NT5DC1: variants seen among roughly 807,000 people sequenced by gnomAD.
The protein encoded by NT5DC1 is 5'-nucleotidase domain containing 1.
In NT5DC1, 42 loss-of-function variants were observed where a neutral mutation model predicts 59.4. That is an observed-to-expected ratio of 0.71 (90% CI 0.55 to 0.92). The LOEUF (loss-of-function observed/expected upper bound fraction) is 0.92. Among genes scored for constraint, NT5DC1 ranks in the 40% least tolerant of loss-of-function variants. NT5DC1 has a pLI of 0.00. For synonymous variants in NT5DC1, 172 were observed against 188.1 expected, an observed-to-expected ratio of 0.91 and a Z score of 0.70; for missense variants, 501 against 537.1, an observed-to-expected ratio of 0.93 and a Z score of 0.66.
chr6:116,182,189 T>C (rs1001256298), intron 6 of NT5DC1, among the ~76,000 whole-genome samples: 1 of 151,492 alleles, frequency 6.6e-6, no homozygotes. Flanking sequence ...CATTATTTCA[T>C]TTCTTTTTAT....
rs187443663 is a variant in NT5DC1, at chr6:116,246,011, A to C, written c.*1987A>C. On this transcript the variant is annotated 3_prime_UTR_variant, in exon 12 of 12. Transcript: ENST00000319550. Reference sequence around the variant, plus strand: ...CTTCTAATGAATGTTTTTTTTCTGTAATTAGAAAGACTATAATTAGGCTTT... The same window carrying C: ...CTTCTAATGAATGTTTTTTTTCTGTCATTAGAAAGACTATAATTAGGCTTT... The C allele has an allele frequency of 2.0e-5, 3 of 152,190 alleles. No individual in the cohort carries two copies. Among genetic ancestry groups the C allele is most frequent in the African/African-American group, 7.2e-5 (3 of 41,542 alleles). The allele number at this position is 152,190 out of a possible 1,614,324, so 9.4% of individuals were successfully genotyped here.
In NT5DC1 at chr6:116,107,007, A is replaced by G. The variant is rs182003600; in HGVS notation, c.185+672A>G. ...GGAGTTGGAGACCAGCCTGGGCAAC[A>G]TGACGAAACCCCAACTCTGCAAAAA... On this transcript the variant is annotated intron_variant, in intron 2 of 11. Transcript: ENST00000319550. Among the ~76,000 whole-genome samples, 19 of 152,114 alleles carry G rather than the reference A, an allele frequency of 1.2e-4. No individual in the cohort carries two copies. The East Asian group carries it at 3.7e-3, about 29-fold the overall frequency.
intron 6 of NT5DC1, among the ~76,000 whole-genome samples, chr6:116,122,198 T>C (rs1779152383): frequency 6.6e-6 from 1 of 152,190 alleles, no homozygotes; most frequent in East Asian, 1.9e-4. Context: ...CCCATGACAG[T>C]GATTCATGAA....
intron 6 of NT5DC1, among the ~76,000 whole-genome samples, chr6:116,192,893 TCAG>T (rs1490557565): frequency 6.6e-6 from 1 of 152,086 alleles, no homozygotes; most frequent in African/African-American, 2.4e-5. Flanking sequence ...CGTTGCATCT[TCAG>T]CAGACCCCAG....
rs138697062 is a variant in NT5DC1, at chr6:116,237,766, A to G, written c.922-421A>G. On this transcript the variant is annotated intron_variant, in intron 9 of 11. Transcript: ENST00000319550. ...TCAACCAGTCTGGGGTTGGGCCCAG[A>G]AACTTGAAAAGTGGTTGTGATTTGC... 3.1e-3 allele frequency: 824 copies of G among 263,824 alleles called. 4 individuals are homozygous for G. Among genetic ancestry groups the G allele is most frequent in the Middle Eastern group, 0.011 (8 of 712 alleles). 16.3% of individuals were successfully genotyped at this position (263,824 alleles called of 1,614,324 possible). A position where few individuals can be genotyped will look rare whatever the true frequency, so the allele number is the denominator to read the frequency against.
chr6:116,120,081 G>A, intron 6 of NT5DC1: 1 of 1,613,554 alleles, frequency 6.2e-7, no homozygotes, highest in Non-Finnish European at 8.5e-7. Flanking sequence ...ACTCACATTG[G>A]AGCCACTAGG....
At chr6:116,189,810 G>A (rs1251930857) in intron 6 of NT5DC1, among the ~76,000 whole-genome samples, 1 of 151,988 alleles carries the variant, frequency 6.6e-6, no homozygotes, top group Non-Finnish European at 1.5e-5. Context: ...AAAGAATGAA[G>A]TAATGGTAGA....
chr6:116,150,850 T>A (rs932035189), intron 6 of NT5DC1, among the ~76,000 whole-genome samples: 10 of 152,220 alleles, frequency 6.6e-5, no homozygotes, highest in African/African-American at 2.4e-4. Flanking sequence ...TTTGAGAATG[T>A]CACATCAAAT....
chr6:116,216,636 AT>A (rs1040035221), intron 6 of NT5DC1, among the ~76,000 whole-genome samples: 1 of 151,828 alleles, frequency 6.6e-6, no homozygotes, highest in Admixed American at 6.6e-5. Context: ...GATATTCTAG[AT>A]TTATTTATTT....
chr6:116,120,847 A>G (rs771385143), intron 6 of NT5DC1: 1 of 1,613,920 alleles, frequency 6.2e-7, no homozygotes, highest in Non-Finnish European at 8.5e-7. Flanking sequence ...CTGGGCCCAC[A>G]GGGCCTGGGA....
At chr6:116,231,167 T>C (rs1782013408) in intron 8 of NT5DC1, among the ~76,000 whole-genome samples, 1 of 90,866 alleles carries the variant, frequency 1.1e-5, no homozygotes, top group African/African-American at 4.9e-5. Context: ...CAAACCAAAG[T>C]AGATAAGAGT....
intron 6 of NT5DC1, among the ~76,000 whole-genome samples, chr6:116,153,122 A>C (rs928505000): frequency 1.3e-5 from 2 of 151,964 alleles, no homozygotes; most frequent in Non-Finnish European, 2.9e-5. Context: ...TATATACACA[A>C]ATATATGTAT....
chr6:116,146,554 A>G (rs1445670782), intron 6 of NT5DC1, among the ~76,000 whole-genome samples: 1 of 152,246 alleles, frequency 6.6e-6, no homozygotes, highest in Non-Finnish European at 1.5e-5. Flanking sequence ...GCCAGGGGGA[A>G]GAGAAGGTTA....
chr6:116,166,178 T>A (rs1347947715), intron 6 of NT5DC1, among the ~76,000 whole-genome samples: 1 of 152,132 alleles, frequency 6.6e-6, no homozygotes, highest in Non-Finnish European at 1.5e-5. Context: ...TGCGAGACTC[T>A]TGCTGCTTTC....
At chr6:116,152,092 G>A (rs747755525) in intron 6 of NT5DC1, among the ~76,000 whole-genome samples, 4 of 152,176 alleles carry the variant, frequency 2.6e-5, no homozygotes, top group Non-Finnish European at 4.4e-5. Context: ...AATTTTGGAG[G>A]AGGTGGAGTG....
intron 6 of NT5DC1, among the ~76,000 whole-genome samples, chr6:116,123,615 C>G (rs1446896982): frequency 2.0e-5 from 3 of 152,190 alleles, no homozygotes; most frequent in Non-Finnish European, 4.4e-5. Flanking sequence ...TATGTAATAA[C>G]TCTTTGAATT....
intron 6 of NT5DC1, among the ~76,000 whole-genome samples, chr6:116,186,455 A>G (rs1781001633): frequency 6.6e-6 from 1 of 151,958 alleles, no homozygotes; most frequent in Non-Finnish European, 1.5e-5. Flanking sequence ...GTCCTCGATT[A>G]TTCCCTCAAA....
chr6:116,187,908 C>T (rs765794772), intron 6 of NT5DC1, among the ~76,000 whole-genome samples: 8 of 151,340 alleles, frequency 5.3e-5, no homozygotes, highest in African/African-American at 1.7e-4. Flanking sequence ...TTACTAAGAA[C>T]GAAAGGGCAA....
At chr6:116,191,572 C>A (rs992934922) in intron 6 of NT5DC1, among the ~76,000 whole-genome samples, 1 of 151,948 alleles carries the variant, frequency 6.6e-6, no homozygotes, top group African/African-American at 2.4e-5. Flanking sequence ...TTAAAATAGC[C>A]ACATCTTTTC....
Sources: allele counts gnomAD v4.1 joint callset (sites outside exome capture counted in the v4.1 genomes callset), GRCh38; gene constraint gnomAD v4.1.1; transcripts MANE v1.5; gene names NCBI Gene and HGNC (gene_info 2026-07-23, HGNC 2026-07-21).